Variants in CUL2 observed in about 807,000 individuals in gnomAD.
CUL2 encodes cullin 2, also known as cullin-2.
CUL2 carries 22 observed loss-of-function variants against 110.2 expected under a neutral mutation model. That is an observed-to-expected ratio of 0.20 (90% CI 0.14 to 0.28). The LOEUF (loss-of-function observed/expected upper bound fraction) is 0.28. Ranked by LOEUF, CUL2 falls within the 10% of genes least tolerant of loss-of-function variation. The probability of loss-of-function intolerance (pLI) is 1.00; values close to 1 mark genes in which losing one functional copy is unlikely to be tolerated. For synonymous variants in CUL2, 279 were observed against 293.2 expected (o/e 0.95, Z 0.49); for missense variants, 631 against 905.5 (o/e 0.70, Z 3.89).
chr10:35,072,298 G>C (rs2086700465), intron 1 of CUL2, among the ~76,000 whole-genome samples: 1 of 151,622 alleles, frequency 6.6e-6, no homozygotes, highest in Admixed American at 6.6e-5. Context: ...CAGATTCTTG[G>C]GGTATCTACC....
chr10:35,013,648 A>C (rs763779853), intron 19 of CUL2, 51 bp downstream of exon 19: 18 of 1,181,550 alleles, frequency 1.5e-5, no homozygotes, highest in Middle Eastern at 3.8e-4. Flanking sequence ...TGTAAAGTCC[A>C]ATGCTTAAAT....
chr10:35,035,346 T>G, intron 9 of CUL2, 50 bp from the exon 10 acceptor site: 4 of 1,599,032 alleles, frequency 2.5e-6, no homozygotes, highest in Middle Eastern at 1.7e-4. Context: ...TTTTCATTTA[T>G]TAGGTAATAT....
intron 17 of CUL2, among the ~76,000 whole-genome samples, chr10:35,023,685 C>T (rs1041993763): frequency 1.3e-5 from 2 of 151,940 alleles, no homozygotes; most frequent in East Asian, 3.8e-4. Flanking sequence ...GTTTAAACTC[C>T]CCCAGACAGA....
At chr10:35,077,086 T>C (rs1267292826) in intron 1 of CUL2, among the ~76,000 whole-genome samples, 1 of 152,164 alleles carries the variant, frequency 6.6e-6, no homozygotes, top group East Asian at 1.9e-4. Context: ...ATAAAGGCCC[T>C]TGAAATAGCT....
intron 1 of CUL2, among the ~76,000 whole-genome samples, chr10:35,119,821 C>T (rs562407390): frequency 3.2e-4 from 49 of 152,222 alleles, no homozygotes; most frequent in African/African-American, 1.1e-3. Context: ...CATCCCACTT[C>T]GGCCTCCTAC....
At chr10:35,052,546 T>C (rs912349871) in intron 5 of CUL2, among the ~76,000 whole-genome samples, 3 of 152,162 alleles carry the variant, frequency 2.0e-5, no homozygotes, top group African/African-American at 7.2e-5. Flanking sequence ...TCAAAAATAC[T>C]TAATGAATGA....
At chr10:35,021,532 T>C (rs949773735) in intron 17 of CUL2, among the ~76,000 whole-genome samples, 3 of 114,020 alleles carry the variant, frequency 2.6e-5, no homozygotes, top group Non-Finnish European at 6.4e-5. Context: ...TTTATATTAA[T>C]GTCAATTTTA....
At chr10:35,021,392 C>T (rs796105590) in intron 17 of CUL2, among the ~76,000 whole-genome samples, 1 of 151,714 alleles carries the variant, frequency 6.6e-6, no homozygotes, top group Non-Finnish European at 1.5e-5. Flanking sequence ...TTATTTTCTG[C>T]ACACTGCTGT....
chr10:35,031,473 T>C lies in CUL2; in HGVS notation c.1299+18A>G. 1 of 1,606,674 alleles carries C rather than the reference T, an allele frequency of 6.2e-7. No individual in the cohort carries two copies. The highest frequency in any genetic ancestry group is 8.5e-7 in the Non-Finnish European group (1 of 1,175,342). On this transcript the variant is annotated intron_variant, in intron 13 of 20. Coordinates refer to ENST00000374749, the MANE Select transcript of CUL2 (RefSeq NM_003591.4). This position sits in a 1 kb window ranked among gnomAD's most constrained non-coding sequence, Gnocchi z 4.4. Reference sequence around the variant, plus strand: ...AGTTGACCAAAATACAAATGAAACTTTTCTGTTCACAACATACCTTTTGAA... The same window carrying C: ...AGTTGACCAAAATACAAATGAAACTCTTCTGTTCACAACATACCTTTTGAA...
At position 35,059,134 on chromosome 10, in the gene CUL2, T is replaced by C. The variant is rs569053976; in HGVS notation, c.317+1740A>G. Among the ~76,000 whole-genome samples, 7 of 152,354 alleles carry C rather than the reference T, an allele frequency of 4.6e-5. No homozygotes were observed. In the South Asian group the frequency reaches 1.5e-3, roughly 32 times the overall value. ...TCCTAATAAGACGGTATGAACATTGTTGAAATGACAACAAAGGATTCAAAT... is the reference window on the plus strand; with the variant it reads ...TCCTAATAAGACGGTATGAACATTGCTGAAATGACAACAAAGGATTCAAAT... On this transcript the variant is annotated intron_variant, in intron 4 of 20. Coordinates refer to ENST00000374749, the MANE Select transcript of CUL2 (RefSeq NM_003591.4).
At chr10:35,076,979 G>C (rs2086834482) in intron 1 of CUL2, among the ~76,000 whole-genome samples, 1 of 152,184 alleles carries the variant, frequency 6.6e-6, no homozygotes, top group Non-Finnish European at 1.5e-5. Flanking sequence ...GTGAACCCAG[G>C]AGGCGGAGCT....
At chr10:35,074,125 C>CA (rs2135006242) in intron 1 of CUL2, 2 of 1,454,798 alleles carry the variant, frequency 1.4e-6, no homozygotes, top group East Asian at 4.9e-5. Context: ...GTGGACAAAA[C>CA]AAAGTTCTTG....
chr10:35,074,944 A>AAT (rs1589038787), intron 1 of CUL2, among the ~76,000 whole-genome samples: 1 of 152,286 alleles, frequency 6.6e-6, no homozygotes, highest in East Asian at 1.9e-4. Flanking sequence ...ACAATTCTGT[A>AAT]ACTGCGTACC....
intron 3 of CUL2, 78 bp downstream of exon 3, chr10:35,062,882 G>C: frequency 1.2e-6 from 1 of 846,478 alleles, no homozygotes; most frequent in South Asian, 1.6e-5. Context: ...CTTGATAAAA[G>C]TTCTACACTG....
chr10:35,010,458 G>C lies in CUL2; in HGVS notation c.2107-16C>G. 2 of 1,590,950 alleles carry C rather than the reference G, an allele frequency of 1.3e-6. No homozygotes were observed. The highest frequency in any genetic ancestry group is 2.3e-5 in the South Asian group (2 of 88,034). ...GGCTAATCACCTGTGGAAGAGATGT[G>C]GAAGTCAAACTACTGCCAGTTCTTC... On this transcript the variant is annotated splice_polypyrimidine_tract_variant and intron_variant, in intron 20 of 20. Coordinates refer to ENST00000374749, the MANE Select transcript of CUL2 (RefSeq NM_003591.4).
At position 35,010,506 on chromosome 10, in the gene CUL2, A is replaced by G. The variant is rs549364045; in HGVS notation, c.2107-64T>C. The G allele has an allele frequency of 1.5e-4, 231 of 1,505,896 alleles. 1 individual carries two copies. In the African/African-American group the frequency reaches 2.8e-3, roughly 18 times the overall value. The allele number at this position is 1,505,896 out of a possible 1,614,324, so 93.3% of individuals were successfully genotyped here. A position where few individuals can be genotyped will look rare whatever the true frequency, so the allele number is the denominator to read the frequency against. On this transcript the variant is annotated intron_variant, in intron 20 of 20. Coordinates refer to ENST00000374749, the MANE Select transcript of CUL2 (RefSeq NM_003591.4). Reference sequence around the variant, plus strand: ...TTCAGCTATTAAGTAATGACTTTTAACCAATCAGTTTAAAGTGCCTCAAAT... The same window carrying G: ...TTCAGCTATTAAGTAATGACTTTTAGCCAATCAGTTTAAAGTGCCTCAAAT...
At chr10:35,036,627 G>A (rs984581445) in intron 9 of CUL2, among the ~76,000 whole-genome samples, 2 of 152,088 alleles carry the variant, frequency 1.3e-5, no homozygotes, top group African/African-American at 4.8e-5. Context: ...GGCCATCTGG[G>A]TATCTTCTAT....
intron 1 of CUL2, among the ~76,000 whole-genome samples, chr10:35,087,317 C>T (rs2087088650): frequency 6.6e-6 from 1 of 152,188 alleles, no homozygotes; most frequent in Non-Finnish European, 1.5e-5. Context: ...TTGTTCAAAA[C>T]ATTAGTATAC....
At chr10:35,111,552 C>T (rs1010929597) in intron 1 of CUL2, among the ~76,000 whole-genome samples, 7 of 152,132 alleles carry the variant, frequency 4.6e-5, no homozygotes, top group Admixed American at 2.6e-4. Context: ...GCCATTGCAC[C>T]CAGCCAATAA....
Sources: allele counts gnomAD v4.1 joint callset (sites outside exome capture counted in the v4.1 genomes callset), GRCh38; gene constraint gnomAD v4.1.1; non-coding constraint Gnocchi (gnomAD v3.1); transcripts MANE v1.5; gene names NCBI Gene and HGNC (gene_info 2026-07-23, HGNC 2026-07-21).